AQP7B: variants seen among roughly 807,000 people sequenced by gnomAD.
AQP7B encodes the protein putative aquaporin-7B.
chr2:94,602,111 A>T, the AQP7B span, among the ~76,000 whole-genome samples: 1 of 150,974 alleles, frequency 6.6e-6, no homozygotes, highest in Non-Finnish European at 1.5e-5. Context: ...CCTTGAAGAA[A>T]CTTCCTTCAG....
chr2:94,603,632 G>T, the AQP7B span: 1 of 1,314,774 alleles, frequency 7.6e-7, no homozygotes, highest in Non-Finnish European at 1.0e-6. Flanking sequence ...CTCTGCTGGT[G>T]GGCTTGGGTC....
the AQP7B span, among the ~76,000 whole-genome samples, chr2:94,598,379 C>T: frequency 6.6e-6 from 1 of 152,096 alleles, no homozygotes; most frequent in Non-Finnish European, 1.5e-5. Context: ...GGCCTCCTGG[C>T]TGTGGGGGAG....
At chr2:94,598,503 T>C in the AQP7B span, among the ~76,000 whole-genome samples, 1 of 152,118 alleles carries the variant, frequency 6.6e-6, no homozygotes, top group Non-Finnish European at 1.5e-5. Flanking sequence ...GTAGATCACA[T>C]GCTATGGGGG....
At chr2:94,603,710 A>C in the AQP7B span, 20 of 1,463,510 alleles carry the variant, frequency 1.4e-5, no homozygotes, top group Non-Finnish European at 1.8e-5. Context: ...TCTGCTCCTC[A>C]GGAGTGGCTG....
the AQP7B span, among the ~76,000 whole-genome samples, chr2:94,602,250 G>A: frequency 2.6e-5 from 4 of 152,126 alleles, no homozygotes; most frequent in South Asian, 8.3e-4. Context: ...TGTCGTAAGA[G>A]CTTCTAACTC....
At chr2:94,602,548 C>T in the AQP7B span, 19 of 1,604,012 alleles carry the variant, frequency 1.2e-5, no homozygotes, top group Admixed American at 2.8e-4. Context: ...ATGGGAGCTA[C>T]CTTGGTGTCA....
At chr2:94,604,545 A>C in the AQP7B span, 1 of 1,606,910 alleles carries the variant, frequency 6.2e-7, no homozygotes, top group Non-Finnish European at 8.5e-7. Context: ...CCACCCTTAC[A>C]TGAATCCATG....
the AQP7B span, among the ~76,000 whole-genome samples, chr2:94,600,365 C>T: frequency 6.6e-6 from 1 of 152,240 alleles, no homozygotes; most frequent in Non-Finnish European, 1.5e-5. Context: ...TAAAAAGCAA[C>T]AGGTGAAATT....
the AQP7B span, among the ~76,000 whole-genome samples, chr2:94,590,944 CA>C: frequency 0.12 from 5,716 of 49,074 alleles, 42 homozygotes; most frequent in African/African-American, 0.15. Flanking sequence ...GACCCTGTCT[CA>C]AAAAAAAAAA....
chr2:94,591,417 G>C, the AQP7B span, among the ~76,000 whole-genome samples: 1 of 152,166 alleles, frequency 6.6e-6, no homozygotes, highest in Admixed American at 6.5e-5. Context: ...CAGCTTGACT[G>C]TGCTCTTGTG....
chr2:94,588,392 G>A, the AQP7B span: 2 of 617,310 alleles, frequency 3.2e-6, no homozygotes, highest in Admixed American at 2.7e-5. Context: ...AGTGGCACTA[G>A]CAGGAGCTGC....
chr2:94,596,030 A>T, the AQP7B span, among the ~76,000 whole-genome samples: 1 of 152,204 alleles, frequency 6.6e-6, no homozygotes, highest in South Asian at 2.1e-4. Context: ...GGAGCCTGAG[A>T]AGGAACGGTC....
the AQP7B span, among the ~76,000 whole-genome samples, chr2:94,602,848 CT>C: frequency 1.6e-3 from 238 of 152,360 alleles, 2 homozygotes; most frequent in East Asian, 0.011. Context: ...AAGCCATCGC[CT>C]TCTGTGTTCC....
the AQP7B span, among the ~76,000 whole-genome samples, chr2:94,599,306 A>T: frequency 6.6e-6 from 1 of 151,996 alleles, no homozygotes. Flanking sequence ...ATCCAAAGCC[A>T]GCCCAGCTCT....
At chr2:94,600,669 G>A in the AQP7B span, among the ~76,000 whole-genome samples, 3 of 152,200 alleles carry the variant, frequency 2.0e-5, no homozygotes, top group African/African-American at 7.2e-5. Flanking sequence ...TATGAGGTCA[G>A]GTGTTTGAGA....
chr2:94,592,499 G>T, the AQP7B span, among the ~76,000 whole-genome samples: 4 of 152,032 alleles, frequency 2.6e-5, no homozygotes, highest in Non-Finnish European at 5.9e-5. Flanking sequence ...ATGCAGCATC[G>T]TATAGGGATC....
chr2:94,604,255 C>T, the AQP7B span: 2 of 1,562,082 alleles, frequency 1.3e-6, no homozygotes, highest in South Asian at 2.4e-5. Context: ...TGGGCATCAG[C>T]CCCCTCAGCA....
chr2:94,603,531 C>A, the AQP7B span: 1 of 1,587,810 alleles, frequency 6.3e-7, no homozygotes, highest in Non-Finnish European at 8.6e-7. Context: ...TACCCCTCCC[C>A]CTGCCCTCCA....
chr2:94,590,252 G>A, the AQP7B span, among the ~76,000 whole-genome samples: 635 of 152,222 alleles, frequency 4.2e-3, 5 homozygotes, highest in African/African-American at 0.015. Context: ...GCATGATCTC[G>A]GCTCACTGCA....
Sources: allele counts gnomAD v4.1 joint callset (sites outside exome capture counted in the v4.1 genomes callset), GRCh38; gene constraint gnomAD v4.1.1; transcripts MANE v1.5; gene names NCBI Gene and HGNC (gene_info 2026-07-23, HGNC 2026-07-21).